The following STK32B variants were observed in gnomAD, a reference collection of about 807,000 sequenced individuals.
The protein encoded by STK32B is serine/threonine kinase 32B.
STK32B carries 43 observed loss-of-function variants against 52.6 expected under a neutral mutation model. The ratio of observed to expected loss-of-function variants is 0.82; its 90% CI spans 0.64 to 1.05. The LOEUF is 1.05. Ranked by LOEUF, STK32B falls within the 50% of genes least tolerant of loss-of-function variation. STK32B has a pLI of 0.00. For synonymous variants in STK32B, 238 were observed against 204.3 expected, an observed-to-expected ratio of 1.17 and a Z score of -1.41; for missense variants, 621 against 534.6, an observed-to-expected ratio of 1.16 and a Z score of -1.59.
chr4:5,138,994 A>AG (rs1716241801), intron 1 of STK32B, among the ~76,000 whole-genome samples: 1 of 152,288 alleles, frequency 6.6e-6, no homozygotes, highest in East Asian at 1.9e-4. Context: ...GAGGAAGCAG[A>AG]GGACAAGCAA....
chr4:5,494,767 C>T (rs1334929150), intron 11 of STK32B, among the ~76,000 whole-genome samples: 1 of 152,148 alleles, frequency 6.6e-6, no homozygotes, highest in Non-Finnish European at 1.5e-5. Flanking sequence ...TTAGGGCAGG[C>T]CTGATGGTGA....
chr4:5,098,462 GT>G (rs1412591351), intron 1 of STK32B, among the ~76,000 whole-genome samples: 1 of 152,202 alleles, frequency 6.6e-6, no homozygotes, highest in Non-Finnish European at 1.5e-5. Flanking sequence ...TGTCCTAGGA[GT>G]TTCTTCATGA....
chr4:5,093,078 T>G (rs1713184300), intron 1 of STK32B, among the ~76,000 whole-genome samples: 1 of 152,226 alleles, frequency 6.6e-6, no homozygotes, highest in Non-Finnish European at 1.5e-5. Context: ...ATTGGAACAA[T>G]TTTTGGAGAT....
intron 6 of STK32B, chr4:5,438,127 G>T: frequency 1.0e-6 from 1 of 985,462 alleles, no homozygotes; most frequent in Non-Finnish European, 1.2e-6. Context: ...GCACTGCTGG[G>T]TGCACCCTGC....
At chr4:5,298,283 C>T (rs190548616) in intron 3 of STK32B, among the ~76,000 whole-genome samples, 1 of 152,320 alleles carries the variant, frequency 6.6e-6, no homozygotes, top group African/African-American at 2.4e-5. Flanking sequence ...CTTGAAAAGG[C>T]AGTCTGTTCC....
At chr4:5,299,361 C>T (rs563297797) in intron 3 of STK32B, among the ~76,000 whole-genome samples, 1 of 152,056 alleles carries the variant, frequency 6.6e-6, no homozygotes, top group African/African-American at 2.4e-5. Context: ...CAGGGCCAGT[C>T]CCCAGCAACG....
chr4:5,317,723 T>C (rs1450433848), intron 3 of STK32B, among the ~76,000 whole-genome samples: 1 of 150,686 alleles, frequency 6.6e-6, no homozygotes, highest in African/African-American at 2.5e-5. Context: ...GGGAGGCTTC[T>C]TGGAGAAGGT....
At chr4:5,323,082 G>T (rs944241332) in intron 3 of STK32B, among the ~76,000 whole-genome samples, 1 of 152,162 alleles carries the variant, frequency 6.6e-6, no homozygotes, top group Non-Finnish European at 1.5e-5. Flanking sequence ...TAAGGGATGA[G>T]CAGGGGGTCT....
chr4:5,234,516 A>G (rs1724496345), intron 3 of STK32B, among the ~76,000 whole-genome samples: 1 of 151,854 alleles, frequency 6.6e-6, no homozygotes, highest in African/African-American at 2.4e-5. Context: ...GGCTCAATAA[A>G]AAATATTGAT....
In STK32B at chr4:5,378,274, G is replaced by A. The variant is rs553063038; in HGVS notation, c.435-19933G>A. On this transcript the variant is annotated intron_variant, in intron 4 of 11. Coordinates refer to ENST00000282908, the MANE Select transcript of STK32B (RefSeq NM_018401.3). This position sits in a 1 kb window ranked among gnomAD's most constrained non-coding sequence, Gnocchi z 4.4. ...GGCAAGGAGGGAACTGATGAGCGGG[G>A]ACAAGGATGACAGTCCATGGTAACG... Among the ~76,000 whole-genome samples, 2 of 152,292 alleles carry A rather than the reference G, an allele frequency of 1.3e-5. No homozygotes were observed. Among genetic ancestry groups the A allele is most frequent in the African/African-American group, 4.8e-5 (2 of 41,568 alleles).
In STK32B at chr4:5,317,109, AAT is replaced by A. The variant is rs1202845703; in HGVS notation, c.261-14103_261-14102del. On this transcript the variant is annotated intron_variant, in intron 3 of 11. Transcript: ENST00000282908. Reference sequence around the variant, plus strand: ...ATATAATATATATGATATAATATATAATATATATAATACATTATAATATATAA... The same window carrying A: ...ATATAATATATATGATATAATATATAATATATAATACATTATAATATATAA... Among the ~76,000 whole-genome samples, 6 of 36,036 alleles carry A rather than the reference AAT, an allele frequency of 1.7e-4. 1 individual carries two copies. Among genetic ancestry groups the A allele is most frequent in the Admixed American group, 5.0e-4 (1 of 1,982 alleles). The allele number at this position is 36,036 out of a possible 152,430, so 23.6% of individuals were successfully genotyped here.
At chr4:5,170,425 C>A (rs2108739347) in intron 3 of STK32B, among the ~76,000 whole-genome samples, 1 of 152,258 alleles carries the variant, frequency 6.6e-6, no homozygotes, top group African/African-American at 2.4e-5. Flanking sequence ...CGTCATTTAA[C>A]ATTAGGTATA....
chr4:5,417,627 A>C (rs1712270698), intron 6 of STK32B, among the ~76,000 whole-genome samples: 1 of 151,758 alleles, frequency 6.6e-6, no homozygotes, highest in South Asian at 2.1e-4. Context: ...AAGTTCTCCC[A>C]CCTGATTTCT....
chr4:5,289,751 G>A (rs1008855759), intron 3 of STK32B, among the ~76,000 whole-genome samples: 4 of 134,874 alleles, frequency 3.0e-5, no homozygotes, highest in Non-Finnish European at 6.2e-5. Flanking sequence ...CACCATGTTA[G>A]CCAGGATGGT....
chr4:5,055,366 A>G (rs1741961378), intron 1 of STK32B, among the ~76,000 whole-genome samples: 2 of 150,340 alleles, frequency 1.3e-5, no homozygotes, highest in South Asian at 2.1e-4. Context: ...TGCCTTCTCC[A>G]TCACTACCAT....
intron 8 of STK32B, among the ~76,000 whole-genome samples, chr4:5,457,594 G>A (rs192278320): frequency 2.7e-5 from 4 of 150,288 alleles, no homozygotes; most frequent in Admixed American, 6.6e-5. Flanking sequence ...TCGGCTGGGC[G>A]CAGTGTCTCA....
intron 3 of STK32B, among the ~76,000 whole-genome samples, chr4:5,248,639 C>T (rs1469139425): frequency 1.3e-5 from 2 of 152,036 alleles, no homozygotes; most frequent in East Asian, 1.9e-4. Flanking sequence ...AGATACTGTG[C>T]CTTACTATTC....
At chr4:5,073,281 T>C (rs1165628285) in intron 1 of STK32B, among the ~76,000 whole-genome samples, 1 of 152,074 alleles carries the variant, frequency 6.6e-6, no homozygotes, top group Non-Finnish European at 1.5e-5. Flanking sequence ...TTAAAAATTC[T>C]ATCACAACTA....
At chr4:5,413,391 C>T (rs1224716032) in intron 5 of STK32B, among the ~76,000 whole-genome samples, 1 of 152,146 alleles carries the variant, frequency 6.6e-6, no homozygotes, top group East Asian at 1.9e-4. Flanking sequence ...GCTCTGGCAC[C>T]ATTTCTCTGC....
Sources: allele counts gnomAD v4.1 joint callset (sites outside exome capture counted in the v4.1 genomes callset), GRCh38; gene constraint gnomAD v4.1.1; non-coding constraint Gnocchi (gnomAD v3.1); transcripts MANE v1.5; gene names NCBI Gene and HGNC (gene_info 2026-07-23, HGNC 2026-07-21).